The following SLIT3 variants were observed in gnomAD, a reference collection of about 807,000 sequenced individuals.
The protein encoded by SLIT3 is slit guidance ligand 3.
In SLIT3, 68 loss-of-function variants were observed where a neutral mutation model predicts 184.0. That is an observed-to-expected ratio of 0.37 (90% confidence interval 0.30 to 0.45). The LOEUF is 0.45. Among genes scored for constraint, SLIT3 ranks in the 20% least tolerant of loss-of-function variants. The pLI is 1.00. For missense variants in SLIT3, 1,707 were observed against 2,026.0 expected (o/e 0.84, Z 3.02); for synonymous variants, 831 against 828.6 (o/e 1.00, Z -0.05).
rs985157971 is a variant in SLIT3, at chr5:168,760,927, A to G, written c.1620T>C (p.Asn540=). 1 of 1,613,704 alleles carries G rather than the reference A, an allele frequency of 6.2e-7. No homozygotes were observed. Among genetic ancestry groups the G allele is most frequent in the Non-Finnish European group, 8.5e-7 (1 of 1,179,672 alleles). The change falls in exon 16 of 36, where the codon AAT becomes AAC. Residue 540 remains asparagine, a synonymous_variant. Transcript: ENST00000519560. ...CCTCCAGAACAGATACCTCATTGTC[A>G]TTCAGTCGCCTGTGTAGGAAGCAAG... ...LPEYVTDLRL[N]DNEVSVLEAT...
At chr5:168,827,281 C>T (rs1757737467) in intron 6 of SLIT3, among the ~76,000 whole-genome samples, 1 of 152,186 alleles carries the variant, frequency 6.6e-6, no homozygotes, top group Non-Finnish European at 1.5e-5. Flanking sequence ...TACAGTTTTG[C>T]AGTCAGAAGT....
intron 20 of SLIT3, among the ~76,000 whole-genome samples, chr5:168,746,629 TG>T (rs1317507175): frequency 2.5e-5 from 2 of 79,132 alleles, no homozygotes; most frequent in Non-Finnish European, 2.4e-5. Context: ...TATGGTGGTG[TG>T]GTGGTGTGTA....
intron 20 of SLIT3, among the ~76,000 whole-genome samples, chr5:168,741,852 C>T (rs1742901816): frequency 7.1e-6 from 1 of 140,784 alleles, no homozygotes; most frequent in Non-Finnish European, 1.5e-5. Context: ...GAAGGATATA[C>T]CGCTGTTATC....
chr5:168,897,647 T>TACACAC (rs60243688), intron 4 of SLIT3, among the ~76,000 whole-genome samples: 19 of 141,530 alleles, frequency 1.3e-4, no homozygotes, highest in African/African-American at 2.3e-4. Context: ...CAGGTGCACG[T>TACACAC]ACACACACAC....
intron 4 of SLIT3, among the ~76,000 whole-genome samples, chr5:169,096,644 A>T (rs933748140): frequency 6.6e-6 from 1 of 152,222 alleles, no homozygotes; most frequent in African/African-American, 2.4e-5. Flanking sequence ...TCTATGTTTT[A>T]TGGATTAGGG....
At chr5:168,873,805 G>GA (rs112255089) in intron 5 of SLIT3, among the ~76,000 whole-genome samples, 73 of 146,262 alleles carry the variant, frequency 5.0e-4, no homozygotes, top group East Asian at 3.8e-3. Flanking sequence ...AGGCAAAGCT[G>GA]AAAAAAAAAA....
intron 26 of SLIT3, among the ~76,000 whole-genome samples, chr5:168,706,015 T>C (rs1762362846): frequency 6.6e-6 from 1 of 152,236 alleles, no homozygotes; most frequent in Admixed American, 6.5e-5. Context: ...ATGTATGGAA[T>C]TGAGAATGTT....
At chr5:169,031,318 G>A (rs984068487) in intron 4 of SLIT3, among the ~76,000 whole-genome samples, 4 of 152,086 alleles carry the variant, frequency 2.6e-5, no homozygotes, top group Admixed American at 6.6e-5. Context: ...CTGTGTTTGC[G>A]TCTGGGACTA....
chr5:168,894,021 T>C (rs1374336924), intron 4 of SLIT3, among the ~76,000 whole-genome samples: 1 of 152,212 alleles, frequency 6.6e-6, no homozygotes, highest in African/African-American at 2.4e-5. Context: ...TGAGGCTGAT[T>C]GATTCAACCT....
chr5:168,719,411 C>G (rs995936330), intron 23 of SLIT3, among the ~76,000 whole-genome samples: 2 of 152,224 alleles, frequency 1.3e-5, no homozygotes, highest in Admixed American at 1.3e-4. Flanking sequence ...TAAACACTAA[C>G]TATCACAATT....
In SLIT3 at chr5:168,671,340, A is replaced by T; in HGVS notation, c.3985T>A (p.Ser1329Thr). ...KALPPQSLGV[S>T]PGCKSCTVCK... ...ACGGTGCAGGACTTGCAGCCTGGTGACACCCCCAGGGACTGTGGTGGGAGG... is the reference window on the plus strand; with the variant it reads ...ACGGTGCAGGACTTGCAGCCTGGTGTCACCCCCAGGGACTGTGGTGGGAGG... Residue 1329 changes from serine to threonine, a missense_variant, in exon 34 of 36, where the codon TCA becomes ACA. By Grantham distance (58) the Ser-to-Thr change is moderately conservative. Coordinates refer to ENST00000519560, the MANE Select transcript of SLIT3 (RefSeq NM_003062.4). The T allele has an allele frequency of 6.2e-7, 1 of 1,614,072 alleles. No homozygotes were observed. Among genetic ancestry groups the T allele is most frequent in the Non-Finnish European group, 8.5e-7 (1 of 1,180,006 alleles).
rs1401824787 is a variant in SLIT3 at position 168,741,298 on chromosome 5, G to A, written c.2270+7004C>T. 5.3e-5 allele frequency among the ~76,000 whole-genome samples: 8 copies of A among 151,860 alleles called. No homozygotes were observed. In the South Asian group the frequency reaches 1.0e-3, roughly 20 times the overall value. On this transcript the variant is annotated intron_variant, in intron 20 of 35. Coordinates refer to ENST00000519560, the MANE Select transcript of SLIT3 (RefSeq NM_003062.4). ...ATCCTGGCTAACATGGTGAAACCCC[G>A]TCTCTACTAAAAAATACAAAAAATT...
rs537416070 is a variant in SLIT3 at position 169,167,829 on chromosome 5, A to G, written c.413+25650T>C. Among the ~76,000 whole-genome samples the G allele has an allele frequency of 1.1e-4, 17 of 152,240 alleles. No individual in the cohort carries two copies. In the East Asian group the frequency reaches 3.1e-3, roughly 28 times the overall value. On this transcript the variant is annotated intron_variant, in intron 4 of 35. Coordinates refer to ENST00000519560, the MANE Select transcript of SLIT3 (RefSeq NM_003062.4). ...AACCCCTCACTGACACTCTGGCTGCACTACCTAGTCCCCAGTCTGTTGTCC... is the reference window on the plus strand; with the variant it reads ...AACCCCTCACTGACACTCTGGCTGCGCTACCTAGTCCCCAGTCTGTTGTCC...
chr5:168,828,824 T>C (rs1581123576), intron 6 of SLIT3, among the ~76,000 whole-genome samples: 1 of 152,120 alleles, frequency 6.6e-6, no homozygotes. Context: ...CTCATGCAAG[T>C]TCGTGTTGGA....
At chr5:168,704,710 T>C (rs1382941548) in intron 26 of SLIT3, among the ~76,000 whole-genome samples, 2 of 152,222 alleles carry the variant, frequency 1.3e-5, no homozygotes, top group Admixed American at 6.5e-5. Flanking sequence ...TACCAAATGT[T>C]ACACAGTGAT....
chr5:169,271,592 T>C (rs1374894712), intron 1 of SLIT3, among the ~76,000 whole-genome samples: 2 of 152,140 alleles, frequency 1.3e-5, no homozygotes, highest in Admixed American at 1.3e-4. Context: ...CCGCAACATA[T>C]TCTGTGGAAA....
In SLIT3 at chr5:168,708,033, C is replaced by G. The variant is rs142460062; in HGVS notation, c.2787G>C (p.Gly929=). Residue 929 remains glycine, a synonymous_variant, in exon 26 of 36, where the codon GGG becomes GGC. Coordinates refer to ENST00000519560, the MANE Select transcript of SLIT3 (RefSeq NM_003062.4). ...GCTCCACAGGGTCCTGGGTGCATGT[C>G]CCGTTATTCTTGCACGGGCTGGAGA... ...ACLSSPCKNN[G]TCTQDPVELY... The G allele has an allele frequency of 3.5e-5, 56 of 1,614,062 alleles. No individual in the cohort carries two copies. The highest frequency in any genetic ancestry group is 4.4e-5 in the Non-Finnish European group (52 of 1,180,048).
intron 1 of SLIT3, among the ~76,000 whole-genome samples, chr5:169,283,323 C>T (rs1008380663): frequency 6.6e-6 from 1 of 152,052 alleles, no homozygotes; most frequent in South Asian, 2.1e-4. Flanking sequence ...CAGGTCTTGG[C>T]GGGGTGGGAG....
chr5:168,917,212 C>T (rs73802454), intron 4 of SLIT3, among the ~76,000 whole-genome samples: 3,548 of 152,262 alleles, frequency 0.023, 129 homozygotes, highest in African/African-American at 0.08. Flanking sequence ...AATACCCTAC[C>T]TAAGATCAAG....
Sources: allele counts gnomAD v4.1 joint callset (sites outside exome capture counted in the v4.1 genomes callset), GRCh38; gene constraint gnomAD v4.1.1; transcripts MANE v1.5; gene names NCBI Gene and HGNC (gene_info 2026-07-23, HGNC 2026-07-21).